ROBO1: variants seen among roughly 807,000 people sequenced by gnomAD.
ROBO1 encodes the protein roundabout guidance receptor 1, also known as roundabout homolog 1.
A neutral mutation model predicts 195.9 loss-of-function variants in ROBO1; 149 were observed. The observed-to-expected ratio is 0.76, with a 90% CI of 0.67 to 0.87. The LOEUF is 0.87. Ranked by LOEUF, ROBO1 falls within the 40% of genes least tolerant of loss-of-function variation. The probability of loss-of-function intolerance (pLI) is 0.00; values close to 1 mark genes in which losing one functional copy is unlikely to be tolerated. For missense variants in ROBO1, 1,933 were observed against 2,068.3 expected, an observed-to-expected ratio of 0.93 and a Z score of 1.27; for synonymous variants, 816 against 733.2, an observed-to-expected ratio of 1.11 and a Z score of -1.82.
At chr3:78,761,523 T>G (rs955957816) in intron 4 of ROBO1, among the ~76,000 whole-genome samples, 1 of 152,230 alleles carries the variant, frequency 6.6e-6, no homozygotes, top group Admixed American at 6.5e-5. Flanking sequence ...AAGTCATTAA[T>G]ATAATCTCTG....
chr3:79,114,552 T>A (rs1345075212), intron 3 of ROBO1, among the ~76,000 whole-genome samples: 1 of 152,186 alleles, frequency 6.6e-6, no homozygotes, highest in Non-Finnish European at 1.5e-5. Context: ...CTCATAGATC[T>A]TGGTGAGCAG....
chr3:78,693,150 G>A lies in ROBO1; in HGVS notation c.1046-4378C>T, dbSNP rs556897172. On this transcript the variant is annotated intron_variant, in intron 8 of 30. Coordinates refer to ENST00000464233, the MANE Select transcript of ROBO1 (RefSeq NM_002941.4). ...CATAAGATATAAAGTTAGCAACCCC[G>A]TTACCTTTACTCTTTTCACAGTTAC... The A allele has an allele frequency of 2.9e-4, 167 of 579,998 alleles. No homozygotes were observed. In the Middle Eastern group the frequency reaches 6.0e-3, roughly 21 times the overall value. 35.9% of individuals were successfully genotyped at this position (579,998 alleles called of 1,614,324 possible).
intron 2 of ROBO1, among the ~76,000 whole-genome samples, chr3:79,587,035 T>C: frequency 6.6e-6 from 1 of 151,940 alleles, no homozygotes; most frequent in East Asian, 1.9e-4. Context: ...CAAAGCCCAG[T>C]TATTCTTAGA....
intron 2 of ROBO1, among the ~76,000 whole-genome samples, chr3:79,502,493 C>T (rs1035648118): frequency 6.6e-6 from 1 of 152,106 alleles, no homozygotes; most frequent in African/African-American, 2.4e-5. Flanking sequence ...GAGTCTCCCC[C>T]CGCCCCTTCC....
At chr3:79,086,511 A>G (rs1223678226) in intron 3 of ROBO1, among the ~76,000 whole-genome samples, 1 of 152,172 alleles carries the variant, frequency 6.6e-6, no homozygotes, top group African/African-American at 2.4e-5. Context: ...GACAATTGGT[A>G]CAAGACATAT....
intron 1 of ROBO1, among the ~76,000 whole-genome samples, chr3:79,764,203 T>C (rs1413284343): frequency 2.0e-5 from 3 of 152,244 alleles, no homozygotes; most frequent in Admixed American, 6.5e-5. Flanking sequence ...TTTTATCCTA[T>C]GTAGTTTTGA....
intron 3 of ROBO1, among the ~76,000 whole-genome samples, chr3:79,114,071 G>A (rs559983072): frequency 6.6e-6 from 1 of 152,224 alleles, no homozygotes; most frequent in East Asian, 1.9e-4. Flanking sequence ...GAGTTCCCCT[G>A]CACAAGCTGT....
chr3:79,708,892 TATG>T (rs1280765295), intron 1 of ROBO1, among the ~76,000 whole-genome samples: 1 of 151,980 alleles, frequency 6.6e-6, no homozygotes, highest in African/African-American at 2.4e-5. Flanking sequence ...AAAGAACAAA[TATG>T]ATGAATAGGA....
chr3:78,647,530 C>T, intron 20 of ROBO1, 99 bp downstream of exon 20: 1 of 1,165,858 alleles, frequency 8.6e-7, no homozygotes, highest in Non-Finnish European at 1.3e-6. Flanking sequence ...AGTTCTTTCC[C>T]CCAACTTACT....
intron 2 of ROBO1, among the ~76,000 whole-genome samples, chr3:79,344,533 C>T (rs183068782): frequency 5.3e-5 from 8 of 152,160 alleles, no homozygotes; most frequent in East Asian, 1.9e-4. Flanking sequence ...GCAGCAACAG[C>T]GGCTATAAAG....
chr3:79,730,098 C>T (rs908750473), intron 1 of ROBO1, among the ~76,000 whole-genome samples: 9 of 152,172 alleles, frequency 5.9e-5, no homozygotes, highest in African/African-American at 2.2e-4. Context: ...CATTTTGTTT[C>T]TTCATCTACT....
At chr3:79,492,280 C>A (rs2107454655) in intron 2 of ROBO1, among the ~76,000 whole-genome samples, 2 of 151,976 alleles carry the variant, frequency 1.3e-5, no homozygotes, top group Admixed American at 1.3e-4. Flanking sequence ...CAAAAATTAG[C>A]CAGGCGTGGT....
intron 4 of ROBO1, among the ~76,000 whole-genome samples, chr3:78,788,674 G>C (rs2083924695): frequency 1.3e-5 from 2 of 151,676 alleles, no homozygotes; most frequent in Admixed American, 1.3e-4. Flanking sequence ...GTGGTATTTA[G>C]TTTTGATTTG....
intron 2 of ROBO1, among the ~76,000 whole-genome samples, chr3:79,180,016 C>T (rs947378703): frequency 6.6e-5 from 10 of 152,086 alleles, no homozygotes; most frequent in African/African-American, 2.4e-4. Context: ...TAACTTGTCC[C>T]CTTTCTTTTA....
intron 4 of ROBO1, among the ~76,000 whole-genome samples, chr3:78,856,293 G>GAAAAAAAAAAAA (rs1237662391): frequency 1.3e-5 from 1 of 76,600 alleles, no homozygotes; most frequent in African/African-American, 3.6e-5. Flanking sequence ...GCAAAAAAAA[G>GAAAAAAAAAAAA]AAAAAAAAAA....
intron 3 of ROBO1, among the ~76,000 whole-genome samples, chr3:79,104,857 T>C (rs1336687471): frequency 1.3e-5 from 2 of 151,936 alleles, no homozygotes; most frequent in East Asian, 1.9e-4. Context: ...AATGGACATA[T>C]AGTTTAATGT....
At chr3:79,350,015 G>A (rs1370388032) in intron 2 of ROBO1, among the ~76,000 whole-genome samples, 1 of 152,096 alleles carries the variant, frequency 6.6e-6, no homozygotes, top group Non-Finnish European at 1.5e-5. Context: ...CCCACGGAAT[G>A]GGAGAAAATA....
chr3:78,661,125 C>T lies in ROBO1; in HGVS notation c.2225G>A (p.Arg742Lys). ...AKNSVVIPDLRKGVNYEIKAR... is the reference protein window; with the variant it reads ...AKNSVVIPDLKKGVNYEIKAR... ...CTTAATTTCATAGTTGACTCCCTTTCTGAGATCAGGGATTACCACACTGTT... is the reference window on the plus strand; with the variant it reads ...CTTAATTTCATAGTTGACTCCCTTTTTGAGATCAGGGATTACCACACTGTT... Residue 742 changes from arginine to lysine, a missense_variant, in exon 16 of 31, where the codon AGA (arginine) becomes AAA (lysine). Physicochemically the swap from Arg to Lys is conservative, Grantham distance 26. Transcript: ENST00000464233. The T allele has an allele frequency of 6.2e-7, 1 of 1,613,696 alleles. No homozygotes were observed. The highest frequency in any genetic ancestry group is 8.5e-7 in the Non-Finnish European group (1 of 1,179,796).
chr3:78,972,180 C>T (rs2076784110), intron 3 of ROBO1, among the ~76,000 whole-genome samples: 1 of 152,176 alleles, frequency 6.6e-6, no homozygotes, highest in Non-Finnish European at 1.5e-5. Context: ...GACTACAGTC[C>T]ACAGTGTAAT....
Sources: gnomAD v4.1 joint callset for allele counts (sites outside exome capture counted in the v4.1 genomes callset) on GRCh38, gnomAD v4.1.1 for gene constraint, MANE v1.5 for transcripts, NCBI Gene and HGNC (gene_info 2026-07-23, HGNC 2026-07-21) for gene names.